LAT2: variants seen among roughly 807,000 people sequenced by gnomAD.
LAT2 encodes linker for activation of T cells family member 2, also known as linker for activation of T-cells family member 2.
In LAT2, 23 loss-of-function variants were observed where a neutral mutation model predicts 43.4. That is an observed-to-expected ratio of 0.53 (90% CI 0.38 to 0.75). The LOEUF (loss-of-function observed/expected upper bound fraction) is 0.75, where lower values mean the gene tolerates loss of function less well. LAT2 is among the 30% of genes least tolerant of loss of function. LAT2 has a pLI of 0.00. For missense variants in LAT2, 284 were observed against 310.2 expected (o/e 0.92, Z 0.64); for synonymous variants, 128 against 123.2 (o/e 1.04, Z -0.26).
rs1563973042 is a variant in LAT2, at chr7:74,220,332, C to T, written c.265+78C>T. The stretch of plus-strand genomic sequence containing the variant: ...ACAGGCGAAAACCCCATGGGACAGG[C>T]GTCGTGCAGTGGGGGCTGCGGGGCC... On this transcript the variant is annotated intron_variant, in intron 7 of 13. Coordinates refer to ENST00000460943, the MANE Select transcript of LAT2 (RefSeq NM_032464.3). This position sits in a 1 kb window ranked among gnomAD's most constrained non-coding sequence, Gnocchi z 4.5. 14 of 1,498,180 alleles carry T rather than the reference C, an allele frequency of 9.3e-6. No homozygotes were observed. The highest frequency in any genetic ancestry group is 8.4e-5 in the South Asian group (7 of 83,368). The allele number at this position is 1,498,180 out of a possible 1,614,324, so 92.8% of individuals were successfully genotyped here.
chr7:74,220,667 C>G lies in LAT2; in HGVS notation c.302-37C>G. Reference sequence around the variant, plus strand: ...GGGGAGGCCATGGTGGGGGCCACACCCAGGGGCTCAGGCCCAATTCTCGCC... The same window carrying G: ...GGGGAGGCCATGGTGGGGGCCACACGCAGGGGCTCAGGCCCAATTCTCGCC... On this transcript the variant is annotated intron_variant, in intron 8 of 13. Coordinates refer to ENST00000460943, the MANE Select transcript of LAT2 (RefSeq NM_032464.3). The surrounding 1 kb of genome is among the most constrained non-coding windows in gnomAD (Gnocchi z 4.5). 2 of 1,613,536 alleles carry G rather than the reference C, an allele frequency of 1.2e-6. No homozygotes were observed. Among genetic ancestry groups the G allele is most frequent in the Non-Finnish European group, 1.7e-6 (2 of 1,179,750 alleles).
rs782342619 is a variant in LAT2 at position 74,219,950 on chromosome 7, C to T, written c.179-10C>T. On this transcript the variant is annotated splice_polypyrimidine_tract_variant and intron_variant, in intron 5 of 13. Transcript: ENST00000460943. ...GGCCCAGCCAACACCCCACTTCTTG[C>T]CCTTTGTAGTGGTCGGGCAGGCATG... 3.3e-5 allele frequency: 54 copies of T among 1,613,404 alleles called. No homozygotes were observed. The highest frequency in any genetic ancestry group is 4.4e-5 in the Non-Finnish European group (52 of 1,179,978).
At chr7:74,213,437 T>G (rs1801803019) in intron 1 of LAT2, among the ~76,000 whole-genome samples, 1 of 144,290 alleles carries the variant, frequency 6.9e-6, no homozygotes, top group East Asian at 2.0e-4. Context: ...TTTTTTTTTT[T>G]TTTTTGAGAT....
In LAT2 at chr7:74,224,130, T is replaced by C; in HGVS notation, c.561T>C (p.Asp187=). The C allele has an allele frequency of 6.2e-7, 1 of 1,614,166 alleles. No individual in the cohort carries two copies. The highest frequency in any genetic ancestry group is 1.3e-5 in the African/African-American group (1 of 75,048). Residue 187 remains aspartate, a synonymous_variant, in exon 12 of 14, where the codon GAT becomes GAC. Coordinates refer to ENST00000460943, the MANE Select transcript of LAT2 (RefSeq NM_032464.3). ...GLCPSASPEE[D]EESEDYQNSA... is the part of the protein sequence containing the mutation. The stretch of plus-strand genomic sequence containing the variant: ...GTCCCTCTGCCTCCCCGGAAGAAGA[T>C]GAGGAATCTGAGGATTATCAGAACT...
chr7:74,222,281 A>G (rs1438894640), intron 10 of LAT2, among the ~76,000 whole-genome samples: 1 of 150,742 alleles, frequency 6.6e-6, no homozygotes, highest in Non-Finnish European at 1.5e-5. Flanking sequence ...CATGCCTGTA[A>G]TCCCAGCTAC....
Position 74,220,269 on chromosome 7 carries a change from GCAGGGA to G in LAT2, c.265+26_265+31del. The G allele has an allele frequency of 1.2e-6, 2 of 1,610,226 alleles. No homozygotes were observed. The highest frequency in any genetic ancestry group is 1.7e-6 in the Non-Finnish European group (2 of 1,177,554). ...CAGCCTGGAGGGTGAGTGGCACAGGGCAGGGACAGGGACAGGCCTAGCCAAGCTGGG... is the reference window on the plus strand; with the variant it reads ...CAGCCTGGAGGGTGAGTGGCACAGGGCAGGGACAGGCCTAGCCAAGCTGGG... On this transcript the variant is annotated intron_variant, in intron 7 of 13. Transcript: ENST00000460943. This position sits in a 1 kb window ranked among gnomAD's most constrained non-coding sequence, Gnocchi z 4.5.
At position 74,223,708 on chromosome 7, in the gene LAT2, C is replaced by A. The variant is rs1554715630; in HGVS notation, c.389-16C>A. 2 of 1,611,966 alleles carry A rather than the reference C, an allele frequency of 1.2e-6. No individual in the cohort carries two copies. Among genetic ancestry groups the A allele is most frequent in the Non-Finnish European group, 1.7e-6 (2 of 1,178,322 alleles). ...GTCTGCCCACACCCCCGTGCCCACT[C>A]CTCTCTCTCCTGCAGATGATGATGC... On this transcript the variant is annotated splice_polypyrimidine_tract_variant and intron_variant, in intron 10 of 13. Transcript: ENST00000460943.
Position 74,216,086 on chromosome 7 carries a change from G to A in LAT2, c.94+17G>A, listed in dbSNP as rs372803045. 1.0e-5 allele frequency: 16 copies of A among 1,594,694 alleles called. No homozygotes were observed. The highest frequency in any genetic ancestry group is 1.3e-5 in the African/African-American group (1 of 74,504). On this transcript the variant is annotated intron_variant, in intron 3 of 13. Transcript: ENST00000460943. ...CACGCCCAGGTAAGCGGGGGTCTCG[G>A]GGACGTGATGGGGAGAAGGTGTGGA...
In LAT2 at chr7:74,220,253, G is replaced by C; in HGVS notation, c.264G>C (p.Glu88Asp). Residue 88 changes from glutamate to aspartate, a missense_variant and splice_region_variant, in exon 7 of 14, where the codon GAG becomes GAC. Coordinates refer to ENST00000460943, the MANE Select transcript of LAT2 (RefSeq NM_032464.3). The surrounding 1 kb of genome is among the most constrained non-coding windows in gnomAD (Gnocchi z 4.5). ...TGTTGCAATTCTACCCCAGCCTGGAGGGTGAGTGGCACAGGGCAGGGACAG... is the reference window on the plus strand; with the variant it reads ...TGTTGCAATTCTACCCCAGCCTGGACGGTGAGTGGCACAGGGCAGGGACAG... ...DKLLQFYPSL[E>D]DPASSRYQNF... 3 of 1,611,580 alleles carry C rather than the reference G, an allele frequency of 1.9e-6. No homozygotes were observed. The highest frequency in any genetic ancestry group is 1.7e-6 in the Non-Finnish European group (2 of 1,178,440).
chr7:74,210,903 C>A (rs1801710555), intron 1 of LAT2, among the ~76,000 whole-genome samples: 3 of 152,302 alleles, frequency 2.0e-5, no homozygotes, highest in South Asian at 2.1e-4. Flanking sequence ...CCCTCCCCAA[C>A]CCCAGTGTCC....
At chr7:74,221,588 G>T in intron 9 of LAT2, 49 bp from the exon 10 acceptor site, 1 of 1,541,366 alleles carries the variant, frequency 6.5e-7, no homozygotes, top group South Asian at 1.1e-5. Context: ...CCCCCAACCC[G>T]ATCTCCAGCC....
intron 3 of LAT2, among the ~76,000 whole-genome samples, chr7:74,216,382 T>C (rs77758125): frequency 0.022 from 3,332 of 151,964 alleles, 111 homozygotes; most frequent in African/African-American, 0.074. Flanking sequence ...CCCTTTTTTC[T>C]TTTTTTTGGA....
chr7:74,223,726 G>T lies in LAT2; in HGVS notation c.391G>T (p.Asp131Tyr), dbSNP rs548830059. 79 of 1,613,854 alleles carry T rather than the reference G, an allele frequency of 4.9e-5. No homozygotes were observed. The highest frequency in any genetic ancestry group is 6.2e-5 in the Non-Finnish European group (73 of 1,179,952). ...GCCCACTCCTCTCTCTCCTGCAGAT[G>T]ATGATGCCAATTCCTACGAGAATGT... is the stretch of plus-strand genomic sequence containing the variant. ...WGRFSKPPEDDDANSYENVLI... is the reference protein window; with the variant it reads ...WGRFSKPPEDYDANSYENVLI... Residue 131 changes from aspartate (D) to tyrosine (Y), a missense_variant and splice_region_variant, in exon 11 of 14, where the codon GAT (aspartate) becomes TAT (tyrosine). Physicochemically the swap from Asp to Tyr is radical, Grantham distance 160. Coordinates refer to ENST00000460943, the MANE Select transcript of LAT2 (RefSeq NM_032464.3).
rs1802605098 is a variant in LAT2, at chr7:74,229,302, A to C, written c.*377A>C. The C allele has an allele frequency of 1.3e-5, 2 of 152,650 alleles. No individual in the cohort carries two copies. The highest frequency in any genetic ancestry group is 2.9e-5 in the Non-Finnish European group (2 of 68,044). 9.5% of individuals were successfully genotyped at this position (152,650 alleles called of 1,614,324 possible). Reference sequence around the variant, plus strand: ...GTATCTGTGTTCTTTTGTGCTATGAATTTGGATTCCTAATTGCTATTGTTG... The same window carrying C: ...GTATCTGTGTTCTTTTGTGCTATGACTTTGGATTCCTAATTGCTATTGTTG... On this transcript the variant is annotated 3_prime_UTR_variant, in exon 14 of 14. Transcript: ENST00000460943.
intron 1 of LAT2, among the ~76,000 whole-genome samples, chr7:74,214,306 A>AT (rs1801886790): frequency 1.3e-5 from 1 of 76,328 alleles, no homozygotes; most frequent in Non-Finnish European, 2.3e-5. Context: ...ATATATATAT[A>AT]AATATATATA....
chr7:74,216,747 C>A, intron 3 of LAT2, 78 bp from the exon 4 acceptor site: 1 of 1,253,762 alleles, frequency 8.0e-7, no homozygotes, highest in Non-Finnish European at 1.2e-6. Context: ...CTGCTGGAGA[C>A]AAGACATGGC....
chr7:74,224,013 T>G lies in LAT2; in HGVS notation c.449-5T>G, dbSNP rs1189461599. 1 of 1,613,318 alleles carries G rather than the reference T, an allele frequency of 6.2e-7. No individual in the cohort carries two copies. The highest frequency in any genetic ancestry group is 2.2e-5 in the East Asian group (1 of 44,872). On this transcript the variant is annotated splice_polypyrimidine_tract_variant and splice_region_variant and intron_variant, in intron 11 of 13. Coordinates refer to ENST00000460943, the MANE Select transcript of LAT2 (RefSeq NM_032464.3). ...CCAAGGGGGGCCTATTCTCCCTCTC[T>G]GCAGGTGCCCAGCAGGAGGGCATAG...
intron 4 of LAT2, among the ~76,000 whole-genome samples, chr7:74,219,001 AGT>A (rs1370796107): frequency 8.8e-6 from 1 of 113,758 alleles, no homozygotes; most frequent in Non-Finnish European, 1.7e-5. Context: ...CCGGGTCTAG[AGT>A]GTGTGCTTTT....
In LAT2 at chr7:74,218,802, T is replaced by G. The variant is rs180872499; in HGVS notation, c.135-942T>G. ...ACCTCTGCCTCCTGGCTTCAAGCGA[T>G]TCTCCTGTCTCAGCCTCCCGAGTAG... is the stretch of plus-strand genomic sequence containing the variant. On this transcript the variant is annotated intron_variant, in intron 4 of 13. Coordinates refer to ENST00000460943, the MANE Select transcript of LAT2 (RefSeq NM_032464.3). Among the ~76,000 whole-genome samples, 206 of 152,328 alleles carry G rather than the reference T, an allele frequency of 1.4e-3. 3 individuals are homozygous for G. In the East Asian group the frequency reaches 0.032, roughly 23 times the overall value.
Sources: allele counts gnomAD v4.1 joint callset (sites outside exome capture counted in the v4.1 genomes callset), GRCh38; gene constraint gnomAD v4.1.1; non-coding constraint Gnocchi (gnomAD v3.1); transcripts MANE v1.5; gene names NCBI Gene and HGNC (gene_info 2026-07-23, HGNC 2026-07-21).